CHRM3: variants seen among roughly 807,000 people sequenced by gnomAD.
The protein encoded by CHRM3 is muscarinic acetylcholine receptor M3.
In CHRM3, 11 loss-of-function variants were observed where a neutral mutation model predicts 41.8. That is an observed-to-expected ratio of 0.26 (90% confidence interval 0.17 to 0.44). The LOEUF is 0.44. CHRM3 is among the 20% of genes least tolerant of loss of function. The pLI is 1.00. For synonymous variants in CHRM3, 297 were observed against 301.4 expected, an observed-to-expected ratio of 0.99 and a Z score of 0.15; for missense variants, 571 against 745.4, an observed-to-expected ratio of 0.77 and a Z score of 2.72.
At chr1:239,841,968 AG>A (rs896441837) in intron 6 of CHRM3, among the ~76,000 whole-genome samples, 1 of 152,188 alleles carries the variant, frequency 6.6e-6, no homozygotes, top group East Asian at 1.9e-4. Flanking sequence ...AGGCTGGTGT[AG>A]GGGGGACGCC....
intron 1 of CHRM3, among the ~76,000 whole-genome samples, chr1:239,409,243 T>C (rs1280775507): frequency 1.3e-5 from 2 of 152,212 alleles, no homozygotes; most frequent in East Asian, 3.9e-4. Flanking sequence ...CTAATTTTTA[T>C]TGCTGTTGAG....
intron 2 of CHRM3, among the ~76,000 whole-genome samples, chr1:239,508,465 G>A (rs988580625): frequency 6.6e-6 from 1 of 151,934 alleles, no homozygotes; most frequent in Non-Finnish European, 1.5e-5. Context: ...ATTATTTTTG[G>A]TTTTGTTATT....
At chr1:239,517,399 G>C (rs1258395862) in intron 2 of CHRM3, among the ~76,000 whole-genome samples, 1 of 152,190 alleles carries the variant, frequency 6.6e-6, no homozygotes, top group African/African-American at 2.4e-5. Flanking sequence ...ATGTGACAAA[G>C]CAAAAGTTCA....
At chr1:239,396,563 G>C (rs914939449) in intron 1 of CHRM3, among the ~76,000 whole-genome samples, 3 of 152,156 alleles carry the variant, frequency 2.0e-5, no homozygotes, top group Non-Finnish European at 2.9e-5. Flanking sequence ...GCAGTGAGCT[G>C]TGATGGTGCC....
At chr1:239,584,183 A>T (rs951183759) in intron 3 of CHRM3, among the ~76,000 whole-genome samples, 1 of 147,518 alleles carries the variant, frequency 6.8e-6, no homozygotes, top group Non-Finnish European at 1.5e-5. Context: ...GGCTCACTGC[A>T]ACCTCCGCCT....
chr1:239,767,236 ATAAAT>A (rs1391501907), intron 5 of CHRM3, among the ~76,000 whole-genome samples: 7 of 152,146 alleles, frequency 4.6e-5, no homozygotes, highest in Non-Finnish European at 8.8e-5. Flanking sequence ...CATGCCTAAG[ATAAAT>A]TAAAGTTAAA....
chr1:239,875,860 G>A (rs1677068516), intron 6 of CHRM3, among the ~76,000 whole-genome samples: 1 of 152,132 alleles, frequency 6.6e-6, no homozygotes, highest in African/African-American at 2.4e-5. Flanking sequence ...GAATTAAAAG[G>A]CAGCAATTTA....
chr1:239,635,925 C>A (rs1011228113), intron 4 of CHRM3, among the ~76,000 whole-genome samples: 1 of 152,036 alleles, frequency 6.6e-6, no homozygotes, highest in East Asian at 1.9e-4. Flanking sequence ...ATGTCCCCAA[C>A]GTGTCTTTTG....
At chr1:239,662,899 T>C (rs866904314) in intron 4 of CHRM3, among the ~76,000 whole-genome samples, 17 of 124,578 alleles carry the variant, frequency 1.4e-4, no homozygotes, top group African/African-American at 4.3e-4. Flanking sequence ...CCTCCTCTTC[T>C]TCTTCTTCTT....
At chr1:239,803,937 A>G (rs921822133) in intron 5 of CHRM3, among the ~76,000 whole-genome samples, 2 of 152,218 alleles carry the variant, frequency 1.3e-5, no homozygotes, top group African/African-American at 4.8e-5. Flanking sequence ...AGCCCTGGGT[A>G]TGAGAGCAGA....
At chr1:239,851,765 T>G (rs2149225150) in intron 6 of CHRM3, among the ~76,000 whole-genome samples, 1 of 152,268 alleles carries the variant, frequency 6.6e-6, no homozygotes, top group Admixed American at 6.5e-5. Flanking sequence ...TATTTGACTA[T>G]TTGCTTCTTT....
chr1:239,600,777 C>T (rs1665424352), intron 3 of CHRM3, among the ~76,000 whole-genome samples: 2 of 144,926 alleles, frequency 1.4e-5, no homozygotes, highest in African/African-American at 5.1e-5. Flanking sequence ...CCTTTTTCTT[C>T]TTTTCCTTCC....
At chr1:239,824,060 G>A (rs888458423) in intron 5 of CHRM3, among the ~76,000 whole-genome samples, 1 of 151,940 alleles carries the variant, frequency 6.6e-6, no homozygotes, top group Non-Finnish European at 1.5e-5. Context: ...CATCTGCTAC[G>A]GGCACAGAAT....
At chr1:239,675,472 G>C (rs1356506053) in intron 4 of CHRM3, among the ~76,000 whole-genome samples, 2 of 152,156 alleles carry the variant, frequency 1.3e-5, no homozygotes, top group African/African-American at 4.8e-5. Flanking sequence ...ACCATTGCTA[G>C]AAGTTACATT....
intron 1 of CHRM3, among the ~76,000 whole-genome samples, chr1:239,474,015 T>C (rs1383005647): frequency 6.6e-6 from 1 of 152,016 alleles, no homozygotes; most frequent in African/African-American, 2.4e-5. Context: ...CAAGAAAAAG[T>C]GCTAATATTT....
At chr1:239,750,528 G>A (rs1051964988) in intron 5 of CHRM3, among the ~76,000 whole-genome samples, 4 of 152,136 alleles carry the variant, frequency 2.6e-5, no homozygotes, top group Admixed American at 1.3e-4. Flanking sequence ...GCCTCCTCAC[G>A]TATTTGAAGT....
chr1:239,660,095 G>T (rs907732558), intron 4 of CHRM3, among the ~76,000 whole-genome samples: 5 of 152,280 alleles, frequency 3.3e-5, no homozygotes, highest in Non-Finnish European at 4.4e-5. Flanking sequence ...CAAGTAGCTG[G>T]TGCTACAGGC....
At chr1:239,488,915 T>C (rs1316983560) in intron 1 of CHRM3, among the ~76,000 whole-genome samples, 3 of 152,098 alleles carry the variant, frequency 2.0e-5, no homozygotes, top group Admixed American at 6.6e-5. Context: ...GAGAAACTAA[T>C]GTCAGTAGTT....
chr1:239,686,194 G>A (rs965731348), intron 5 of CHRM3, among the ~76,000 whole-genome samples: 7 of 152,038 alleles, frequency 4.6e-5, no homozygotes, highest in Admixed American at 4.6e-4. Flanking sequence ...ATGGACTTCT[G>A]TTACTCACTA....
Sources: gnomAD v4.1 joint callset for allele counts (sites outside exome capture counted in the v4.1 genomes callset) on GRCh38, gnomAD v4.1.1 for gene constraint, MANE v1.5 for transcripts, NCBI Gene and HGNC (gene_info 2026-07-23, HGNC 2026-07-21) for gene names.